The following VWA2 variants were observed in gnomAD, a reference collection of about 807,000 sequenced individuals.
The protein encoded by VWA2 is von Willebrand factor A domain containing 2, also known as von Willebrand factor A domain-containing protein 2.
VWA2 carries 73 observed loss-of-function variants against 70.4 expected under a neutral mutation model. The observed-to-expected ratio is 1.04, with a 90% confidence interval of 0.86 to 1.26. VWA2 has a LOEUF of 1.26. Ranked by LOEUF, VWA2 falls within the 50% of genes most tolerant of loss-of-function variation. The pLI is 0.00. For synonymous variants in VWA2, 407 were observed against 423.3 expected (o/e 0.96, Z 0.47); for missense variants, 1,011 against 998.5 (o/e 1.01, Z -0.17).
rs200265779 is a variant in VWA2, at chr10:114,282,527, T to C, written c.845T>C (p.Val282Ala). Reference protein sequence around the residue: ...AHCPFYSWKRVFLTHPATCYR... With the variant: ...AHCPFYSWKRAFLTHPATCYR... ...TCCTTGGATTGTAGCTGGAAGAGAG[T>C]GTTCCTAACCCACCCTGCCACCTGC... is the stretch of plus-strand genomic sequence containing the variant. Residue 282 changes from valine to alanine, a missense_variant, in exon 9 of 14, where the codon GTG becomes GCG. Val to Ala is a moderately conservative substitution (Grantham distance 64, BLOSUM62 0). Transcript: ENST00000392982. 8 of 1,613,794 alleles carry C rather than the reference T, an allele frequency of 5.0e-6. No homozygotes were observed. The highest frequency in any genetic ancestry group is 6.8e-6 in the Non-Finnish European group (8 of 1,179,888).
intron 1 of VWA2, among the ~76,000 whole-genome samples, chr10:114,243,315 T>C (rs566812576): frequency 1.3e-5 from 2 of 152,284 alleles, no homozygotes; most frequent in South Asian, 2.1e-4. Context: ...GTTCTGAAAA[T>C]TTACTAATTA....
At chr10:114,256,909 C>CAAAAAAAAAAAAAAAAAA in intron 4 of VWA2, among the ~76,000 whole-genome samples, 1 of 54,810 alleles carries the variant, frequency 1.8e-5, no homozygotes, top group Non-Finnish European at 3.8e-5. Context: ...AACACCGTCT[C>CAAAAAAAAAAAAAAAAAA]AAAAAAAAAA....
chr10:114,243,318 A>G (rs957702455), intron 1 of VWA2, among the ~76,000 whole-genome samples: 3 of 152,158 alleles, frequency 2.0e-5, no homozygotes, highest in Admixed American at 6.5e-5. Context: ...CTGAAAATTT[A>G]CTAATTATTT....
At chr10:114,285,753 G>A (rs551046801) in intron 10 of VWA2, among the ~76,000 whole-genome samples, 186 bp from the exon 11 acceptor site, 3 of 152,336 alleles carry the variant, frequency 2.0e-5, no homozygotes, top group South Asian at 2.1e-4. Flanking sequence ...GACCCTTAGC[G>A]AGTGCCAGGA....
intron 1 of VWA2, chr10:114,246,306 G>A: frequency 1.7e-6 from 1 of 598,998 alleles, no homozygotes; most frequent in Non-Finnish European, 3.0e-6. Flanking sequence ...TTCAAGACCA[G>A]CCTGATCAAC....
intron 9 of VWA2, among the ~76,000 whole-genome samples, chr10:114,284,170 C>T (rs901902434): frequency 5.9e-5 from 9 of 152,244 alleles, no homozygotes; most frequent in African/African-American, 1.7e-4. Flanking sequence ...TTGACACAGG[C>T]TGTGGTTTCC....
At chr10:114,242,225 C>A (rs1342717469) in intron 1 of VWA2, among the ~76,000 whole-genome samples, 1 of 152,158 alleles carries the variant, frequency 6.6e-6, no homozygotes, top group Non-Finnish European at 1.5e-5. Context: ...GCCCCGGGAG[C>A]CTTTGCATCG....
chr10:114,290,000 A>G, intron 12 of VWA2: 1 of 382,256 alleles, frequency 2.6e-6, no homozygotes, highest in Non-Finnish European at 4.7e-6. Flanking sequence ...CTCAAAAAAA[A>G]AAAAAAAAAA....
At chr10:114,269,128 A>T (rs1232920735) in intron 5 of VWA2, among the ~76,000 whole-genome samples, 1 of 152,242 alleles carries the variant, frequency 6.6e-6, no homozygotes, top group Non-Finnish European at 1.5e-5. Flanking sequence ...GTGCTGAGGT[A>T]GAGAGGGTGA....
chr10:114,266,702 C>A lies in VWA2; in HGVS notation c.371+5407C>A, dbSNP rs553244075. Among the ~76,000 whole-genome samples, 4 of 152,142 alleles carry A rather than the reference C, an allele frequency of 2.6e-5. No homozygotes were observed. In the South Asian group the frequency reaches 8.3e-4, roughly 31 times the overall value. ...CAGAGCTCCTGGCCTGCTGGCTGCC[C>A]GGGCTTGCTCATTTCATTAATCTCA... On this transcript the variant is annotated intron_variant, in intron 5 of 13. Coordinates refer to ENST00000392982, the MANE Select transcript of VWA2 (RefSeq NM_001272046.2).
At chr10:114,251,542 G>A (rs1399395612) in intron 2 of VWA2, among the ~76,000 whole-genome samples, 1 of 152,204 alleles carries the variant, frequency 6.6e-6, no homozygotes, top group Non-Finnish European at 1.5e-5. Context: ...GTATTTTTCT[G>A]TTCTTTTTGG....
intron 6 of VWA2, among the ~76,000 whole-genome samples, chr10:114,276,836 C>A (rs572711843): frequency 6.6e-6 from 1 of 152,136 alleles, no homozygotes; most frequent in African/African-American, 2.4e-5. Context: ...GCCTTTTGAG[C>A]CCCTTCTCTG....
intron 9 of VWA2, among the ~76,000 whole-genome samples, chr10:114,284,268 G>GT (rs1304295870): frequency 3.3e-5 from 5 of 152,196 alleles, no homozygotes; most frequent in Non-Finnish European, 7.3e-5. Context: ...GTTGGGGAGT[G>GT]TTTTTTTAGT....
At chr10:114,245,269 C>G (rs1210964499) in intron 1 of VWA2, among the ~76,000 whole-genome samples, 1 of 152,200 alleles carries the variant, frequency 6.6e-6, no homozygotes, top group Non-Finnish European at 1.5e-5. Flanking sequence ...CGAGATCAAG[C>G]TGCTTAAGTT....
rs111784076 is a variant in VWA2, at chr10:114,270,064, A to G, written c.372-2676A>G. On this transcript the variant is annotated intron_variant, in intron 5 of 13. Transcript: ENST00000392982. ...TGTGTAGACAGTACCTAAATCAGTG[A>G]GTGTGGCTGTTTTCCAATAAAACTT... is the stretch of plus-strand genomic sequence containing the variant. Among the ~76,000 whole-genome samples, 727 of 152,326 alleles carry G rather than the reference A, an allele frequency of 4.8e-3. 4 individuals are homozygous for G. Among genetic ancestry groups the G allele is most frequent in the African/African-American group, 0.017 (699 of 41,572 alleles).
intron 12 of VWA2, chr10:114,289,706 T>A: frequency 1.7e-6 from 1 of 592,726 alleles, no homozygotes; most frequent in Non-Finnish European, 3.0e-6. Flanking sequence ...TTAACTAACA[T>A]AGATAACTCC....
intron 5 of VWA2, among the ~76,000 whole-genome samples, chr10:114,269,955 C>T (rs191534695): frequency 7.9e-5 from 12 of 152,188 alleles, no homozygotes; most frequent in Non-Finnish European, 1.2e-4. Context: ...AGCATTTAAG[C>T]AGGACAGTTT....
chr10:114,279,739 G>A (rs2037971151), intron 8 of VWA2, among the ~76,000 whole-genome samples: 1 of 152,208 alleles, frequency 6.6e-6, no homozygotes, highest in Non-Finnish European at 1.5e-5. Context: ...CCTGCTCAGA[G>A]CCAGGCAATG....
intron 8 of VWA2, among the ~76,000 whole-genome samples, chr10:114,280,442 G>A (rs937872053): frequency 2.5e-4 from 38 of 152,202 alleles, no homozygotes; most frequent in Non-Finnish European, 5.1e-4. Flanking sequence ...GGGGTAGGCG[G>A]GGGGTTGGGG....
Sources: allele counts gnomAD v4.1 joint callset (sites outside exome capture counted in the v4.1 genomes callset), GRCh38; gene constraint gnomAD v4.1.1; transcripts MANE v1.5; gene names NCBI Gene and HGNC (gene_info 2026-07-23, HGNC 2026-07-21).